Variants in GRAMD4 observed in about 807,000 individuals in gnomAD.
The protein encoded by GRAMD4 is GRAM domain-containing protein 4.
A neutral mutation model predicts 83.9 loss-of-function variants in GRAMD4; 25 were observed. That is an observed-to-expected ratio of 0.30 (90% CI 0.22 to 0.42). The LOEUF is 0.42. GRAMD4 is among the 10% of genes least tolerant of loss of function. The pLI is 1.00. For missense variants in GRAMD4, 593 were observed against 788.7 expected, an observed-to-expected ratio of 0.75 and a Z score of 2.97; for synonymous variants, 336 against 320.9, an observed-to-expected ratio of 1.05 and a Z score of -0.50.
At chr22:46,662,510 C>T (rs1261107389) in intron 5 of GRAMD4, among the ~76,000 whole-genome samples, 2 of 152,238 alleles carry the variant, frequency 1.3e-5, no homozygotes, top group African/African-American at 4.8e-5. Flanking sequence ...ATCAGCACGA[C>T]AACACCGTGC....
intron 1 of GRAMD4, among the ~76,000 whole-genome samples, chr22:46,609,264 A>G (rs763044997): frequency 1.3e-5 from 2 of 152,152 alleles, no homozygotes; most frequent in Non-Finnish European, 2.9e-5. Context: ...CCCTCCGCGC[A>G]GGAGCCTGGG....
Position 46,606,782 on chromosome 22 carries a change from C to T in GRAMD4, c.-49-19969C>T, listed in dbSNP as rs182939952. ...CTTATTGGCCGATTGGACGGGCACT[C>T]GGGTTATTTCCACCTCTTGGCTTGG... On this transcript the variant is annotated intron_variant, in intron 1 of 1. Coordinates refer to the GRAMD4 transcript ENST00000431155. Among the ~76,000 whole-genome samples the T allele has an allele frequency of 1.2e-4, 19 of 152,388 alleles. No homozygotes were observed. The East Asian group carries it at 3.5e-3, about 28-fold the overall frequency.
At chr22:46,610,989 G>C (rs12170707) in intron 1 of GRAMD4, among the ~76,000 whole-genome samples, 1 of 151,980 alleles carries the variant, frequency 6.6e-6, no homozygotes, top group Non-Finnish European at 1.5e-5. Flanking sequence ...CAGAGGCTGG[G>C]GGATCAAGTG....
chr22:46,607,205 A>AGTGGG (rs1555956233), intron 1 of GRAMD4, among the ~76,000 whole-genome samples: 2 of 108,988 alleles, frequency 1.8e-5, no homozygotes, highest in African/African-American at 5.7e-5. Context: ...GTCTTTAAAA[A>AGTGGG]GGGGGGGGTC....
chr22:46,670,899 G>A (rs12159145), intron 13 of GRAMD4, among the ~76,000 whole-genome samples: 12,946 of 149,342 alleles, frequency 0.087, 756 homozygotes, highest in African/African-American at 0.17. Context: ...CACTGCGCCC[G>A]GCCCCTGCTG....
chr22:46,616,435 T>A, upstream of GRAMD4, among the ~76,000 whole-genome samples: 1 of 118,120 alleles, frequency 8.5e-6, no homozygotes, highest in African/African-American at 3.4e-5. Context: ...CGTGAGTAGG[T>A]TCCCCTGTGC....
intron 1 of GRAMD4, among the ~76,000 whole-genome samples, chr22:46,608,534 C>G (rs1016546750): frequency 6.6e-6 from 1 of 151,126 alleles, no homozygotes; most frequent in Non-Finnish European, 1.5e-5. Context: ...CAAAAATTAT[C>G]TGTGTGTGGT....
chr22:46,622,566 G>A lies in GRAMD4; in HGVS notation c.-50+2001G>A, dbSNP rs1601579681. Among the ~76,000 whole-genome samples, 1 of 152,170 alleles carries A rather than the reference G, an allele frequency of 6.6e-6. No individual in the cohort carries two copies. Among genetic ancestry groups the A allele is most frequent in the South Asian group, 2.1e-4 (1 of 4,834 alleles). ...TCAGTTAGACAAGACGAGTCCGGAG[G>A]CAGCCGCTCAGCATCACAGATGTAA... On this transcript the variant is annotated intron_variant, in intron 1 of 18. Coordinates refer to ENST00000406902, the MANE Select transcript of GRAMD4 (RefSeq NM_015124.5). This position sits in a 1 kb window ranked among gnomAD's most constrained non-coding sequence, Gnocchi z 4.0.
intron 13 of GRAMD4, among the ~76,000 whole-genome samples, chr22:46,669,840 A>G (rs1343342357): frequency 6.6e-6 from 1 of 152,030 alleles, no homozygotes; most frequent in Admixed American, 6.5e-5. Context: ...CGGCCTCCCA[A>G]AGTGCTGGGA....
At chr22:46,648,947 G>GATGGATGGATGGATGGATGGATGGATGC (rs2082124869) in intron 3 of GRAMD4, among the ~76,000 whole-genome samples, 3 of 80,264 alleles carry the variant, frequency 3.7e-5, no homozygotes, top group African/African-American at 9.2e-5. Context: ...TGGATGGATG[G>GATGGATGGATGGATGGATGGATGGATGC]ATGGATGGAT....
At chr22:46,637,103 C>T (rs867154320) in intron 2 of GRAMD4, among the ~76,000 whole-genome samples, 10 of 152,066 alleles carry the variant, frequency 6.6e-5, no homozygotes, top group African/African-American at 1.9e-4. Flanking sequence ...CTCGTGGAGG[C>T]GCCCGCAGCC....
intron 3 of GRAMD4, among the ~76,000 whole-genome samples, chr22:46,639,979 C>T: frequency 6.6e-6 from 1 of 152,154 alleles, no homozygotes; most frequent in East Asian, 1.9e-4. Flanking sequence ...AGTGGTGGCT[C>T]TGCTGGAATT....
At chr22:46,625,002 A>G (rs1039866031) in intron 1 of GRAMD4, among the ~76,000 whole-genome samples, 1 of 151,770 alleles carries the variant, frequency 6.6e-6, no homozygotes, top group African/African-American at 2.4e-5. Context: ...CTGGGACTAC[A>G]GGCGCCCACC....
chr22:46,635,103 C>A (rs946336338), intron 2 of GRAMD4, among the ~76,000 whole-genome samples: 1 of 115,938 alleles, frequency 8.6e-6, no homozygotes, highest in Admixed American at 8.1e-5. Flanking sequence ...TCCTCCCTGC[C>A]CCCGCCCCCA....
chr22:46,580,734 G>A (rs937536552), intron 1 of GRAMD4, among the ~76,000 whole-genome samples: 1 of 152,196 alleles, frequency 6.6e-6, no homozygotes, highest in Non-Finnish European at 1.5e-5. Context: ...GGAGGCCGAG[G>A]CGGGCAGATC....
intron 3 of GRAMD4, among the ~76,000 whole-genome samples, chr22:46,640,842 G>A (rs1055369747): frequency 6.8e-6 from 1 of 146,914 alleles, no homozygotes; most frequent in African/African-American, 2.5e-5. Context: ...CCCCGCCGAG[G>A]TTTTGGAGCA....
At chr22:46,656,419 C>T (rs962336584) in intron 3 of GRAMD4, among the ~76,000 whole-genome samples, 5 of 152,220 alleles carry the variant, frequency 3.3e-5, no homozygotes, top group African/African-American at 7.2e-5. Context: ...AGTCCACCCG[C>T]GGCTGCTCCC....
Position 46,587,082 on chromosome 22 carries a change from G to A in GRAMD4, c.-50+9792G>A, listed in dbSNP as rs368215153. Among the ~76,000 whole-genome samples the A allele has an allele frequency of 9.2e-5, 14 of 152,314 alleles. 1 individual carries two copies. Among genetic ancestry groups the A allele is most frequent in the East Asian group, 3.9e-4 (2 of 5,178 alleles). Reference sequence around the variant, plus strand: ...CGCATGCTTTCTCAGCCCACTCTGCGCCCAGTGGCTCTTGTTTGCCACAGA... The same window carrying A: ...CGCATGCTTTCTCAGCCCACTCTGCACCCAGTGGCTCTTGTTTGCCACAGA... On this transcript the variant is annotated intron_variant, in intron 1 of 1. Coordinates refer to the GRAMD4 transcript ENST00000431155.
chr22:46,594,924 C>T lies in GRAMD4; in HGVS notation c.-50+17634C>T, dbSNP rs7287087. The stretch of plus-strand genomic sequence containing the variant: ...GTCTGTGGTTTGCTGTGCCTGTGTC[C>T]GCTGCTGGTAACCAGTGCATCGGGA... On this transcript the variant is annotated intron_variant, in intron 1 of 1. Transcript: ENST00000431155. Among the ~76,000 whole-genome samples the T allele has an allele frequency of 9.4e-3, 1,428 of 152,212 alleles. 25 individuals are homozygous for T. The highest frequency in any genetic ancestry group is 0.032 in the African/African-American group (1,342 of 41,518).
Sources: gnomAD v4.1 joint callset for allele counts (sites outside exome capture counted in the v4.1 genomes callset) on GRCh38, gnomAD v4.1.1 for gene constraint, Gnocchi (gnomAD v3.1) non-coding constraint, MANE v1.5 for transcripts, NCBI Gene and HGNC (gene_info 2026-07-23, HGNC 2026-07-21) for gene names.